The following SV2C variants were observed in gnomAD, a reference collection of about 807,000 sequenced individuals.
The protein encoded by SV2C is synaptic vesicle glycoprotein 2C.
A neutral mutation model predicts 79.7 loss-of-function variants in SV2C; 49 were observed. The ratio of observed to expected loss-of-function variants is 0.61; its 90% confidence interval spans 0.49 to 0.78. The LOEUF (loss-of-function observed/expected upper bound fraction) is 0.78. Ranked by LOEUF, SV2C falls within the 30% of genes least tolerant of loss-of-function variation. The probability of loss-of-function intolerance (pLI) is 0.00; values close to 1 mark genes in which losing one functional copy is unlikely to be tolerated. For synonymous variants in SV2C, 334 were observed against 333.2 expected (o/e 1.00, Z -0.03); for missense variants, 833 against 912.9 (o/e 0.91, Z 1.13).
intron 2 of SV2C, among the ~76,000 whole-genome samples, chr5:76,151,831 G>A (rs1026783899): frequency 4.6e-5 from 7 of 152,154 alleles, no homozygotes; most frequent in Non-Finnish European, 7.3e-5. Flanking sequence ...GTGAATCTTT[G>A]TTGAGGTTGA....
At chr5:76,001,136 G>A in the SV2C span, among the ~76,000 whole-genome samples, 1 of 152,140 alleles carries the variant, frequency 6.6e-6, no homozygotes, top group Admixed American at 6.5e-5. Flanking sequence ...GTCTGAGCCT[G>A]GTGATGCACC....
At chr5:75,894,962 T>A in the SV2C span, among the ~76,000 whole-genome samples, 1 of 152,076 alleles carries the variant, frequency 6.6e-6, no homozygotes, top group African/African-American at 2.4e-5. Flanking sequence ...GTTGAAGGCC[T>A]CTCTGAAGAT....
At chr5:75,987,132 G>T in the SV2C span, among the ~76,000 whole-genome samples, 9 of 151,902 alleles carry the variant, frequency 5.9e-5, no homozygotes, top group Admixed American at 2.0e-4. Flanking sequence ...CACACTGCTC[G>T]CTGTGTTCTA....
At chr5:76,070,403 G>A in the SV2C span, among the ~76,000 whole-genome samples, 1 of 152,114 alleles carries the variant, frequency 6.6e-6, no homozygotes, top group African/African-American at 2.4e-5. Flanking sequence ...CAAGGTTAAG[G>A]CACTCTGTAA....
At chr5:75,907,506 A>G in the SV2C span, among the ~76,000 whole-genome samples, 1 of 152,156 alleles carries the variant, frequency 6.6e-6, no homozygotes, top group Non-Finnish European at 1.5e-5. Context: ...TGGGGATATA[A>G]GCAAACACCC....
the SV2C span, among the ~76,000 whole-genome samples, chr5:75,894,868 G>A: frequency 6.6e-6 from 1 of 152,022 alleles, no homozygotes; most frequent in African/African-American, 2.4e-5. Context: ...AGAAGGACTT[G>A]TGCTCTCACC....
intron 4 of SV2C, among the ~76,000 whole-genome samples, chr5:76,234,319 A>C (rs531776667): frequency 2.6e-4 from 40 of 152,230 alleles, no homozygotes; most frequent in Non-Finnish European, 5.1e-4. Context: ...CAGTCTGTGC[A>C]TGTTTCTGAA....
At chr5:75,955,287 A>T in the SV2C span, among the ~76,000 whole-genome samples, 141 of 149,458 alleles carry the variant, frequency 9.4e-4, no homozygotes, top group African/African-American at 3.4e-3. Context: ...AAAAACAAGC[A>T]ATGGGGAAAG....
the SV2C span, among the ~76,000 whole-genome samples, chr5:75,945,185 A>T: frequency 6.6e-6 from 1 of 152,190 alleles, no homozygotes; most frequent in Admixed American, 6.5e-5. Context: ...GAAGTTACAT[A>T]AAAGAAACAA....
chr5:76,248,188 G>C (rs893032677), intron 4 of SV2C, among the ~76,000 whole-genome samples: 5 of 152,204 alleles, frequency 3.3e-5, no homozygotes, highest in Non-Finnish European at 7.3e-5. Context: ...CATGTTCATA[G>C]GCAGCTATGT....
At chr5:76,219,618 T>C (rs1745009127) in intron 4 of SV2C, among the ~76,000 whole-genome samples, 2 of 152,160 alleles carry the variant, frequency 1.3e-5, no homozygotes, top group South Asian at 4.1e-4. Context: ...CCCCATCCTC[T>C]TTGTTTAGTA....
chr5:75,899,408 G>T, the SV2C span, among the ~76,000 whole-genome samples: 6 of 152,270 alleles, frequency 3.9e-5, no homozygotes, highest in South Asian at 1.0e-3. Context: ...CTGAGTTCTA[G>T]TTTGATTGCA....
chr5:76,119,276 C>A lies in SV2C; in HGVS notation c.-101-12374C>A, dbSNP rs151118336. ...GTCAAGATGGTGGCTGAAGCACATG[C>A]TAAACCCCCTCTTTCCACCCTGCAC... is the stretch of plus-strand genomic sequence containing the variant. On this transcript the variant is annotated intron_variant, in intron 1 of 12. Transcript: ENST00000502798. 3.1e-3 allele frequency among the ~76,000 whole-genome samples: 467 copies of A among 152,324 alleles called. 4 individuals are homozygous for A. Among genetic ancestry groups the A allele is most frequent in the African/African-American group, 8.7e-3 (362 of 41,570 alleles).
At chr5:76,157,697 A>G (rs920154366) in intron 2 of SV2C, among the ~76,000 whole-genome samples, 1 of 151,896 alleles carries the variant, frequency 6.6e-6, no homozygotes, top group Non-Finnish European at 1.5e-5. Context: ...GTGGTAACAA[A>G]TTCACATAAA....
At chr5:75,968,758 A>T in the SV2C span, among the ~76,000 whole-genome samples, 3 of 152,236 alleles carry the variant, frequency 2.0e-5, no homozygotes, top group African/African-American at 7.2e-5. Context: ...TCTGCAGGAT[A>T]TTATCCAGGA....
At chr5:75,937,875 A>C in the SV2C span, among the ~76,000 whole-genome samples, 1 of 99,286 alleles carries the variant, frequency 1.0e-5, no homozygotes. Flanking sequence ...CTCTAGCATT[A>C]TCTCTTTTTT....
chr5:76,209,190 C>A (rs897351373), intron 3 of SV2C, among the ~76,000 whole-genome samples: 4 of 152,054 alleles, frequency 2.6e-5, no homozygotes, highest in African/African-American at 9.7e-5. Context: ...TTGGAAATGA[C>A]CCCGTGAGTC....
At chr5:75,969,053 G>A in the SV2C span, among the ~76,000 whole-genome samples, 1 of 152,082 alleles carries the variant, frequency 6.6e-6, no homozygotes, top group Admixed American at 6.5e-5. Flanking sequence ...TTTCAACCCA[G>A]AATTTCATAC....
intron 2 of SV2C, among the ~76,000 whole-genome samples, chr5:76,162,244 C>A (rs1348690814): frequency 2.0e-5 from 3 of 152,290 alleles, no homozygotes; most frequent in East Asian, 3.9e-4. Context: ...AACTCTTTAG[C>A]CCTAGTACAC....
Sources: gnomAD v4.1 joint callset for allele counts (sites outside exome capture counted in the v4.1 genomes callset) on GRCh38, gnomAD v4.1.1 for gene constraint, MANE v1.5 for transcripts, NCBI Gene and HGNC (gene_info 2026-07-23, HGNC 2026-07-21) for gene names.